The following LIPE variants were observed in gnomAD, a reference collection of about 807,000 sequenced individuals.
LIPE encodes hormone-sensitive lipase.
In LIPE, 66 loss-of-function variants were observed where a neutral mutation model predicts 88.5. The observed-to-expected ratio is 0.75, with a 90% CI of 0.61 to 0.91. The LOEUF (loss-of-function observed/expected upper bound fraction) is 0.91, where lower values mean the gene tolerates loss of function less well. LIPE is among the 40% of genes least tolerant of loss of function. LIPE has a pLI of 0.00. For missense variants in LIPE, 1,346 were observed against 1,434.7 expected (o/e 0.94, Z 1.00); for synonymous variants, 570 against 617.5 (o/e 0.92, Z 1.14).
At chr19:42,415,942 A>C (rs1348768084) in intron 1 of LIPE, among the ~76,000 whole-genome samples, 3 of 152,204 alleles carry the variant, frequency 2.0e-5, no homozygotes, top group Non-Finnish European at 4.4e-5. Flanking sequence ...TCCCTCTTCA[A>C]TTCTTTGAAG....
In LIPE at chr19:42,408,324, T is replaced by C; in HGVS notation, c.1420-2A>G. On this transcript the variant is annotated splice_acceptor_variant, in intron 2 of 9. Transcript: ENST00000244289. LOFTEE classifies it high-confidence loss of function. The surrounding 1 kb of genome is among the most constrained non-coding windows in gnomAD (Gnocchi z 4.3). ...GAATGGCCGGATGGCAGGCGTGAAC[T>C]GTGGAGAGACGCGGCTGCGTCACCC... is the stretch of plus-strand genomic sequence containing the variant. The C allele has an allele frequency of 1.2e-6, 2 of 1,613,570 alleles. No individual in the cohort carries two copies. Among genetic ancestry groups the C allele is most frequent in the Non-Finnish European group, 1.7e-6 (2 of 1,179,656 alleles).
At position 42,406,552 on chromosome 19, in the gene LIPE, C is replaced by T. The variant is rs2040190365; in HGVS notation, c.2138-164G>A. Among the ~76,000 whole-genome samples the T allele has an allele frequency of 6.6e-6, 1 of 152,118 alleles. No individual in the cohort carries two copies. Among genetic ancestry groups the T allele is most frequent in the African/African-American group, 2.4e-5 (1 of 41,414 alleles). On this transcript the variant is annotated intron_variant, in intron 6 of 9. Coordinates refer to ENST00000244289, the MANE Select transcript of LIPE (RefSeq NM_005357.4). The surrounding 1 kb of genome is among the most constrained non-coding windows in gnomAD (Gnocchi z 5.7). ...TTTTAGAGACTGGCAGACTGAGGCA[C>T]AGATTTGGGCTCATGTGGTAGACAG...
rs1276066078 is a variant in LIPE at position 42,406,238 on chromosome 19, G to C, written c.2288C>G (p.Ser763Cys). ...CATGAGGCTCAGCAGGCGGGAGGGAGAGGCGGCAGGCTGCAGCATTGTGGC... is the reference window on the plus strand; with the variant it reads ...CATGAGGCTCAGCAGGCGGGAGGGACAGGCGGCAGGCTGCAGCATTGTGGC... ...YPATMLQPAASPSRLLSLMDP... is the reference protein window; with the variant it reads ...YPATMLQPAACPSRLLSLMDP... Residue 763 changes from serine (S) to cysteine (C), a missense_variant, in exon 7 of 10, where the codon TCT (serine) becomes TGT (cysteine). Ser to Cys is a moderately radical substitution (Grantham distance 112). Transcript: ENST00000244289. The surrounding 1 kb of genome is among the most constrained non-coding windows in gnomAD (Gnocchi z 5.7). 6.2e-7 allele frequency: 1 copy of C among 1,613,794 alleles called. No individual in the cohort carries two copies. Among genetic ancestry groups the C allele is most frequent in the Non-Finnish European group, 8.5e-7 (1 of 1,179,838 alleles).
chr19:42,426,621 A>T lies in LIPE; in HGVS notation c.529T>A (p.Ser177Thr), dbSNP rs16975748. 6.8e-3 allele frequency: 10,991 copies of T among 1,614,066 alleles called. 565 individuals are homozygous for T. The African/African-American group carries it at 0.12, about 18-fold the overall frequency. ...REPSAPTEST[S>T]QETPEQSDKQ... ...TCTGACTGTTCAGGTGTCTCTTGGG[A>T]CGTAGATTCAGTCGGGGCAGATGGC... is the stretch of plus-strand genomic sequence containing the variant. Residue 177 changes from serine to threonine, a missense_variant, in exon 1 of 10, where the codon TCC becomes ACC. Transcript: ENST00000244289.
rs983136853 is a variant in LIPE at position 42,423,789 on chromosome 19, C to G, written c.883+2478G>C. 15 of 1,109,456 alleles carry G rather than the reference C, an allele frequency of 1.4e-5. No individual in the cohort carries two copies. The African/African-American group carries it at 2.2e-4, about 16-fold the overall frequency. 68.7% of individuals were successfully genotyped at this position (1,109,456 alleles called of 1,614,324 possible). A position where few individuals can be genotyped will look rare whatever the true frequency, so the allele number is the denominator to read the frequency against. ...CTCGCGGCCAACAAAAAGGCAACCC[C>G]GGGGGTGGCGAAAAGCGTCCTTCGG... On this transcript the variant is annotated intron_variant, in intron 1 of 9. Transcript: ENST00000244289.
rs2040448313 is a variant in LIPE, at chr19:42,414,362, G to T, written c.884-3520C>A. Among the ~76,000 whole-genome samples the T allele has an allele frequency of 6.6e-6, 1 of 152,250 alleles. No homozygotes were observed. Among genetic ancestry groups the T allele is most frequent in the African/African-American group, 2.4e-5 (1 of 41,474 alleles). On this transcript the variant is annotated intron_variant, in intron 1 of 9. Coordinates refer to ENST00000244289, the MANE Select transcript of LIPE (RefSeq NM_005357.4). This position sits in a 1 kb window ranked among gnomAD's most constrained non-coding sequence, Gnocchi z 4.6. ...AAGAAAGATGGCCCAAGCCCTTGCTGGCGACCCTGGATGAGTCTGTTTTCC... is the reference window on the plus strand; with the variant it reads ...AAGAAAGATGGCCCAAGCCCTTGCTTGCGACCCTGGATGAGTCTGTTTTCC...
rs1568598792 is a variant in LIPE at position 42,406,404 on chromosome 19, G to T, written c.2138-16C>A. Reference sequence around the variant, plus strand: ...CCTGTTGAGCCTGGTTTGGGAGAGGGGTGGTTGGTGACAACCTGGCAGGGG... The same window carrying T: ...CCTGTTGAGCCTGGTTTGGGAGAGGTGTGGTTGGTGACAACCTGGCAGGGG... On this transcript the variant is annotated splice_polypyrimidine_tract_variant and intron_variant, in intron 6 of 9. Coordinates refer to ENST00000244289, the MANE Select transcript of LIPE (RefSeq NM_005357.4). The surrounding 1 kb of genome is among the most constrained non-coding windows in gnomAD (Gnocchi z 5.7). 2 of 1,604,754 alleles carry T rather than the reference G, an allele frequency of 1.2e-6. No homozygotes were observed. Among genetic ancestry groups the T allele is most frequent in the Non-Finnish European group, 1.7e-6 (2 of 1,172,052 alleles).
chr19:42,402,476 G>A, intron 9 of LIPE, 131 bp downstream of exon 9: 3 of 784,430 alleles, frequency 3.8e-6, no homozygotes, highest in South Asian at 6.7e-5. Flanking sequence ...GTTCTCCCCT[G>A]GGGACACGCC....
chr19:42,408,060 C>G lies in LIPE; in HGVS notation c.1572G>C (p.Gly524=). 6.2e-7 allele frequency: 1 copy of G among 1,613,920 alleles called. No homozygotes were observed. The highest frequency in any genetic ancestry group is 8.5e-7 in the Non-Finnish European group (1 of 1,179,898). Residue 524 remains glycine, a synonymous_variant, in exon 4 of 10, where the codon GGG becomes GGC. Transcript: ENST00000244289. The surrounding 1 kb of genome is among the most constrained non-coding windows in gnomAD (Gnocchi z 4.3). ...TCTGTGTGATCCGCTCAAACTCAGC[C>G]CCACGCAGCTCGGGGTCGATGGCAA... ...GRFAIDPELR[G]AEFERITQNL...
At position 42,414,649 on chromosome 19, in the gene LIPE, G is replaced by A. The variant is rs780552313; in HGVS notation, c.884-3807C>T. ...AATTGAAGGTTTGTGGCAACCCTGCGTCAAACCAGTCTGTTGGCACCATTT... is the reference window on the plus strand; with the variant it reads ...AATTGAAGGTTTGTGGCAACCCTGCATCAAACCAGTCTGTTGGCACCATTT... On this transcript the variant is annotated intron_variant, in intron 1 of 9. Coordinates refer to ENST00000244289, the MANE Select transcript of LIPE (RefSeq NM_005357.4). The surrounding 1 kb of genome is among the most constrained non-coding windows in gnomAD (Gnocchi z 4.6). 2.6e-5 allele frequency among the ~76,000 whole-genome samples: 4 copies of A among 152,226 alleles called. No homozygotes were observed. The highest frequency in any genetic ancestry group is 5.9e-5 in the Non-Finnish European group (4 of 68,046).
chr19:42,424,206 T>A, intron 1 of LIPE: 2 of 899,524 alleles, frequency 2.2e-6, no homozygotes, highest in Admixed American at 2.5e-5. Context: ...ATAATGAGGG[T>A]GGGGGATGGT....
intron 8 of LIPE, among the ~76,000 whole-genome samples, chr19:42,404,678 A>T (rs114304358): frequency 0.018 from 2,666 of 152,254 alleles, 65 homozygotes; most frequent in African/African-American, 0.061. Context: ...TTGTCTTTAT[A>T]AATCTACGAA....
In LIPE at chr19:42,401,593, A is replaced by C. The variant is rs1056056876; in HGVS notation, c.*219T>G. 9 of 497,288 alleles carry C rather than the reference A, an allele frequency of 1.8e-5. No homozygotes were observed. The highest frequency in any genetic ancestry group is 3.2e-5 in the Non-Finnish European group (9 of 284,694). 30.8% of individuals were successfully genotyped at this position (497,288 alleles called of 1,614,324 possible). A position where few individuals can be genotyped will look rare whatever the true frequency, so the allele number is the denominator to read the frequency against. ...TCCCCGTCCCTGCGGCGGTCGCCGC[A>C]GCAGCAGCAGCAAAAGGCAGCGGTG... On this transcript the variant is annotated 3_prime_UTR_variant, in exon 10 of 10. Transcript: ENST00000244289.
intron 1 of LIPE, chr19:42,423,820 A>C (rs1044322026): frequency 7.2e-6 from 8 of 1,118,868 alleles, no homozygotes; most frequent in Non-Finnish European, 8.8e-6. Flanking sequence ...TTCGGGCAGG[A>C]CTAGTGCGGA....
In LIPE at chr19:42,402,732, G is replaced by T. The variant is rs1003724091; in HGVS notation, c.2842C>A (p.Arg948=). Residue 948 remains arginine, a synonymous_variant, in exon 9 of 10, where the codon CGA becomes AGA. Coordinates refer to ENST00000244289, the MANE Select transcript of LIPE (RefSeq NM_005357.4). ...RAAFPEGFHP[R]RSSQGATQMP... ...TGTGTGGCACCCTGGCTGGAGCGTC[G>T]GGGGTGGAAACCCTCGGGGAAGGCG... is the stretch of plus-strand genomic sequence containing the variant. 1 of 1,563,050 alleles carries T rather than the reference G, an allele frequency of 6.4e-7. No individual in the cohort carries two copies. Among genetic ancestry groups the T allele is most frequent in the Admixed American group, 1.8e-5 (1 of 55,698 alleles).
rs1180075368 is a variant in LIPE at position 42,408,839 on chromosome 19, G to T, written c.1420-517C>A. ...ACTCTGTCTCTAAAAAAAAAAAAAG[G>T]TGAGCTCATGCTTGGTGCTTGACCT... On this transcript the variant is annotated intron_variant, in intron 2 of 9. Coordinates refer to ENST00000244289, the MANE Select transcript of LIPE (RefSeq NM_005357.4). The surrounding 1 kb of genome is among the most constrained non-coding windows in gnomAD (Gnocchi z 4.3). Among the ~76,000 whole-genome samples, 1 of 151,846 alleles carries T rather than the reference G, an allele frequency of 6.6e-6. No homozygotes were observed. The highest frequency in any genetic ancestry group is 1.5e-5 in the Non-Finnish European group (1 of 67,906).
chr19:42,403,419 C>T (rs1420375668), intron 8 of LIPE, among the ~76,000 whole-genome samples: 1 of 151,452 alleles, frequency 6.6e-6, no homozygotes, highest in African/African-American at 2.4e-5. Context: ...TTAGGTACCG[C>T]TACCCACTGG....
At position 42,406,775 on chromosome 19, in the gene LIPE, C is replaced by T. The variant is rs980163159; in HGVS notation, c.2138-387G>A. On this transcript the variant is annotated intron_variant, in intron 6 of 9. Transcript: ENST00000244289. The surrounding 1 kb of genome is among the most constrained non-coding windows in gnomAD (Gnocchi z 5.7). ...GTACAGAGGGGCTGGGCTGCAAGCT[C>T]TGTGCCCTGGGGCATGGCCACACTC... is the stretch of plus-strand genomic sequence containing the variant. Among the ~76,000 whole-genome samples the T allele has an allele frequency of 3.3e-5, 5 of 152,190 alleles. No homozygotes were observed. Among genetic ancestry groups the T allele is most frequent in the Admixed American group, 1.3e-4 (2 of 15,288 alleles).
chr19:42,407,065 G>T lies in LIPE; in HGVS notation c.2137+109C>A, dbSNP rs573425992. 11 of 952,946 alleles carry T rather than the reference G, an allele frequency of 1.2e-5. No individual in the cohort carries two copies. In the East Asian group the frequency reaches 2.4e-4, roughly 21 times the overall value. The allele number at this position is 952,946 out of a possible 1,614,324, so 59.0% of individuals were successfully genotyped here. A position where few individuals can be genotyped will look rare whatever the true frequency, so the allele number is the denominator to read the frequency against. On this transcript the variant is annotated intron_variant, in intron 6 of 9. Transcript: ENST00000244289. This position sits in a 1 kb window ranked among gnomAD's most constrained non-coding sequence, Gnocchi z 5.8. ...GACCTGGGTGAGCAGGAGCTGGGAGGTGTGGGGGGAGAGAAAGGTAGAGGG... is the reference window on the plus strand; with the variant it reads ...GACCTGGGTGAGCAGGAGCTGGGAGTTGTGGGGGGAGAGAAAGGTAGAGGG...
Sources: gnomAD v4.1 joint callset for allele counts (sites outside exome capture counted in the v4.1 genomes callset) on GRCh38, gnomAD v4.1.1 for gene constraint, Gnocchi (gnomAD v3.1) non-coding constraint, MANE v1.5 for transcripts, NCBI Gene and HGNC (gene_info 2026-07-23, HGNC 2026-07-21) for gene names.